The following SPATA13 variants were observed in gnomAD, a reference collection of about 807,000 sequenced individuals.
SPATA13 encodes spermatogenesis-associated protein 13.
SPATA13 carries 50 observed loss-of-function variants against 104.0 expected under a neutral mutation model. The observed-to-expected ratio is 0.48, with a 90% CI of 0.38 to 0.61. The LOEUF is 0.61. Ranked by LOEUF, SPATA13 falls within the 20% of genes least tolerant of loss-of-function variation. The pLI, the probability that SPATA13 is intolerant of heterozygous loss-of-function variation, is 0.00. For missense variants in SPATA13, 1,524 were observed against 1,690.6 expected, an observed-to-expected ratio of 0.90 and a Z score of 1.73; for synonymous variants, 606 against 667.5, an observed-to-expected ratio of 0.91 and a Z score of 1.42.
chr13:24,040,299 A>C (rs2137727692), intron 3 of SPATA13, among the ~76,000 whole-genome samples: 1 of 152,296 alleles, frequency 6.6e-6, no homozygotes, highest in Middle Eastern at 3.4e-3. Context: ...TGTCTCACAA[A>C]CCTGGTTTTT....
chr13:24,259,034 T>C (rs1873928825), intron 4 of SPATA13, among the ~76,000 whole-genome samples: 1 of 152,182 alleles, frequency 6.6e-6, no homozygotes, highest in African/African-American at 2.4e-5. Context: ...TTGATAAGAA[T>C]CTGCAGGCTG....
intron 3 of SPATA13, among the ~76,000 whole-genome samples, chr13:24,136,128 A>T (rs7337499): frequency 0.68 from 103,232 of 152,076 alleles, 35,757 homozygotes; most frequent in East Asian, 0.9. Flanking sequence ...AACAGGAAAT[A>T]ATTCATCTGA....
chr13:24,199,445 C>T (rs1225167644), intron 1 of SPATA13, among the ~76,000 whole-genome samples: 1 of 152,182 alleles, frequency 6.6e-6, no homozygotes, highest in African/African-American at 2.4e-5. Context: ...ATCCTTCTTC[C>T]ATAGGAAAAG....
chr13:24,275,856 C>T (rs796913160), intron 4 of SPATA13, among the ~76,000 whole-genome samples: 13 of 152,330 alleles, frequency 8.5e-5, no homozygotes, highest in African/African-American at 3.1e-4. Context: ...ATCTCTGGAA[C>T]CCTGGAGGCA....
At chr13:24,017,385 G>C (rs779622107) in intron 2 of SPATA13, among the ~76,000 whole-genome samples, 13 of 152,166 alleles carry the variant, frequency 8.5e-5, no homozygotes, top group Non-Finnish European at 1.6e-4. Context: ...CCAGGGCTTA[G>C]AGCTTGAAAA....
chr13:24,110,180 A>T (rs557984597), intron 3 of SPATA13, among the ~76,000 whole-genome samples: 1 of 151,764 alleles, frequency 6.6e-6, no homozygotes, highest in Admixed American at 6.6e-5. Context: ...GAGCAGTAAA[A>T]ACTGGAGCAC....
At chr13:24,301,771 C>A (rs561092842) in intron 12 of SPATA13, among the ~76,000 whole-genome samples, 1 of 152,166 alleles carries the variant, frequency 6.6e-6, no homozygotes, top group African/African-American at 2.4e-5. Flanking sequence ...TTAATCTAAT[C>A]GCTAATTTTA....
intron 1 of SPATA13, among the ~76,000 whole-genome samples, chr13:24,167,109 C>G (rs774197010): frequency 3.4e-4 from 52 of 152,164 alleles, no homozygotes; most frequent in Non-Finnish European, 2.2e-4. Context: ...GAAAGCTTCC[C>G]AAGCGTAGTC....
At chr13:24,159,317 A>G (rs1310181059), upstream of SPATA13, among the ~76,000 whole-genome samples, 34 of 152,194 alleles carry the variant, frequency 2.2e-4, no homozygotes, top group Non-Finnish European at 5.0e-4. Flanking sequence ...GTCATTGTTA[A>G]AACTTGGGGT....
At chr13:24,052,970 TA>T (rs1878413411) in intron 3 of SPATA13, among the ~76,000 whole-genome samples, 1 of 151,168 alleles carries the variant, frequency 6.6e-6, no homozygotes, top group Non-Finnish European at 1.5e-5. Flanking sequence ...TTCCTTTCTC[TA>T]CCTTGCATAA....
intron 1 of SPATA13, among the ~76,000 whole-genome samples, chr13:24,202,553 T>A (rs1870477651): frequency 6.7e-6 from 1 of 148,214 alleles, no homozygotes; most frequent in Admixed American, 6.7e-5. Flanking sequence ...TAGCTTCACT[T>A]GTACTTTAAG....
chr13:23,998,804 G>T (rs1317341274), intron 2 of SPATA13, among the ~76,000 whole-genome samples: 1 of 152,020 alleles, frequency 6.6e-6, no homozygotes, highest in African/African-American at 2.4e-5. Flanking sequence ...ACATCCATCT[G>T]TTCCAGCATC....
chr13:24,141,387 C>T (rs577694925), intron 3 of SPATA13, among the ~76,000 whole-genome samples: 1 of 152,226 alleles, frequency 6.6e-6, no homozygotes, highest in African/African-American at 2.4e-5. Flanking sequence ...GTGAAGGTCA[C>T]TTGTTGACGT....
chr13:24,070,625 T>C (rs1442524597), intron 3 of SPATA13, among the ~76,000 whole-genome samples: 1 of 152,224 alleles, frequency 6.6e-6, no homozygotes, highest in Admixed American at 6.5e-5. Context: ...TTATTCTGTG[T>C]GTTTCTGTCA....
intron 3 of SPATA13, among the ~76,000 whole-genome samples, chr13:24,087,461 G>A (rs1426656627): frequency 6.6e-6 from 1 of 152,166 alleles, no homozygotes; most frequent in Non-Finnish European, 1.5e-5. Flanking sequence ...CCTTAGCTAT[G>A]GACAGCATCC....
At chr13:23,981,142 G>C (rs1222052978) in intron 1 of SPATA13, among the ~76,000 whole-genome samples, 1 of 152,146 alleles carries the variant, frequency 6.6e-6, no homozygotes, top group Non-Finnish European at 1.5e-5. Flanking sequence ...TGGAAAGATG[G>C]CGACTTTCAC....
chr13:24,086,697 C>A (rs905574503), intron 3 of SPATA13, among the ~76,000 whole-genome samples: 2 of 152,074 alleles, frequency 1.3e-5, no homozygotes, highest in East Asian at 3.9e-4. Flanking sequence ...GGCAGACTCC[C>A]GAGTTCTCTT....
Position 24,286,758 on chromosome 13 carries a change from G to A in SPATA13, c.2482-7G>A, listed in dbSNP as rs1308200242. Reference sequence around the variant, plus strand: ...CAAGTCACCTGTCCCCTGTATGTGGGTTGCAGTTGCGAGTGAATCAGGAAG... The same window carrying A: ...CAAGTCACCTGTCCCCTGTATGTGGATTGCAGTTGCGAGTGAATCAGGAAG... On this transcript the variant is annotated splice_polypyrimidine_tract_variant and splice_region_variant and intron_variant, in intron 6 of 12. Transcript: ENST00000382108. This position sits in a 1 kb window ranked among gnomAD's most constrained non-coding sequence, Gnocchi z 4.9. 6 of 1,613,270 alleles carry A rather than the reference G, an allele frequency of 3.7e-6. No homozygotes were observed. In the Admixed American group the frequency reaches 8.3e-5, roughly 22 times the overall value.
intron 3 of SPATA13, among the ~76,000 whole-genome samples, chr13:24,035,345 G>T (rs1428025217): frequency 1.3e-5 from 2 of 152,118 alleles, no homozygotes; most frequent in Non-Finnish European, 2.9e-5. Context: ...AATAGAGACA[G>T]GTTTTGCCAT....
Sources: allele counts gnomAD v4.1 joint callset (sites outside exome capture counted in the v4.1 genomes callset), GRCh38; gene constraint gnomAD v4.1.1; non-coding constraint Gnocchi (gnomAD v3.1); transcripts MANE v1.5; gene names NCBI Gene and HGNC (gene_info 2026-07-23, HGNC 2026-07-21).